AP2S1: variants seen among roughly 807,000 people sequenced by gnomAD.
AP2S1 encodes AP-2 complex subunit sigma.
A neutral mutation model predicts 21.0 loss-of-function variants in AP2S1; 6 were observed. The observed-to-expected ratio is 0.29, with a 90% CI of 0.16 to 0.56. The LOEUF (loss-of-function observed/expected upper bound fraction) is 0.56. Ranked by LOEUF, AP2S1 falls within the 20% of genes least tolerant of loss-of-function variation. The probability of loss-of-function intolerance (pLI) is 0.92; values close to 1 mark genes in which losing one functional copy is unlikely to be tolerated. For synonymous variants in AP2S1, 63 were observed against 74.6 expected, an observed-to-expected ratio of 0.84 and a Z score of 0.80; for missense variants, 60 against 186.2, an observed-to-expected ratio of 0.32 and a Z score of 3.95.
rs1276796098 is a variant in AP2S1, at chr19:46,838,923, G to C, written c.268-124C>G. On this transcript the variant is annotated intron_variant, in intron 3 of 4. Transcript: ENST00000263270. This position sits in a 1 kb window ranked among gnomAD's most constrained non-coding sequence, Gnocchi z 4.1. The stretch of plus-strand genomic sequence containing the variant: ...GAGACCAAGGGGGAGGCAGGGGAGA[G>C]AGAGAGACAGTGACAGGGAGAGAGG... 7.0e-5 allele frequency: 54 copies of C among 768,086 alleles called. 2 individuals are homozygous for C. In the South Asian group the frequency reaches 9.0e-4, roughly 13 times the overall value. The allele number at this position is 768,086 out of a possible 1,614,324, so 47.6% of individuals were successfully genotyped here.
intron 1 of AP2S1, among the ~76,000 whole-genome samples, chr19:46,849,403 AAC>A (rs10569642): frequency 0.54 from 82,297 of 151,540 alleles, 22,894 homozygotes; most frequent in Middle Eastern, 0.7. Context: ...TCCTTCCAAG[AAC>A]TCCTGCTGAG....
chr19:46,838,949 C>T lies in AP2S1; in HGVS notation c.268-150G>A. 1.6e-6 allele frequency: 1 copy of T among 644,188 alleles called. No homozygotes were observed. The highest frequency in any genetic ancestry group is 2.8e-6 in the Non-Finnish European group (1 of 360,906). The allele number at this position is 644,188 out of a possible 1,614,324, so 39.9% of individuals were successfully genotyped here. A position where few individuals can be genotyped will look rare whatever the true frequency, so the allele number is the denominator to read the frequency against. On this transcript the variant is annotated intron_variant, in intron 3 of 4. Coordinates refer to ENST00000263270, the MANE Select transcript of AP2S1 (RefSeq NM_004069.6). The surrounding 1 kb of genome is among the most constrained non-coding windows in gnomAD (Gnocchi z 4.1). Reference sequence around the variant, plus strand: ...AGAGAGACAGTGACAGGGAGAGAGGCAAGGAGACACACAGAGAGAAACAAA... The same window carrying T: ...AGAGAGACAGTGACAGGGAGAGAGGTAAGGAGACACACAGAGAGAAACAAA...
chr19:46,844,204 G>T (rs181040561), intron 2 of AP2S1, among the ~76,000 whole-genome samples: 4 of 152,024 alleles, frequency 2.6e-5, no homozygotes, highest in Admixed American at 2.6e-4. Flanking sequence ...CGCCCGGCCG[G>T]CAAAAACAAC....
chr19:46,840,189 A>G (rs1420704114), intron 2 of AP2S1, among the ~76,000 whole-genome samples: 1 of 151,988 alleles, frequency 6.6e-6, no homozygotes, highest in African/African-American at 2.4e-5. Context: ...AGCAATAGTA[A>G]CACAGACACA....
chr19:46,843,187 T>C (rs2055558971), intron 2 of AP2S1, among the ~76,000 whole-genome samples: 1 of 152,110 alleles, frequency 6.6e-6, no homozygotes, highest in Non-Finnish European at 1.5e-5. Flanking sequence ...CCACATCCAA[T>C]TCTTGGCCAT....
intron 3 of AP2S1, 37 bp downstream of exon 3, chr19:46,839,428 A>ACCC: frequency 9.2e-6 from 7 of 763,392 alleles, no homozygotes; most frequent in South Asian, 2.9e-5. Context: ...AGGGCTGCCC[A>ACCC]CCCGCCTCCC....
At chr19:46,848,933 G>A (rs984893888) in intron 1 of AP2S1, among the ~76,000 whole-genome samples, 20 of 151,142 alleles carry the variant, frequency 1.3e-4, no homozygotes, top group Admixed American at 4.6e-4. Flanking sequence ...GGCTGGTCTC[G>A]AACTCCTGAC....
At chr19:46,849,637 C>G (rs560740708) in intron 1 of AP2S1, among the ~76,000 whole-genome samples, 1 of 152,212 alleles carries the variant, frequency 6.6e-6, no homozygotes, top group Admixed American at 6.5e-5. Context: ...ATCTCAAGTC[C>G]CCTCCGTCCT....
chr19:46,848,507 C>T (rs1483470240), intron 1 of AP2S1, among the ~76,000 whole-genome samples: 1 of 152,196 alleles, frequency 6.6e-6, no homozygotes, highest in Non-Finnish European at 1.5e-5. Context: ...ATGGCCAAAG[C>T]TTACTCCATT....
At chr19:46,850,063 A>C (rs2055710385) in intron 1 of AP2S1, 18 of 1,173,036 alleles carry the variant, frequency 1.5e-5, no homozygotes, top group Non-Finnish European at 1.9e-5. Context: ...CCTACTCCCC[A>C]CCCCACAAGA....
intron 2 of AP2S1, among the ~76,000 whole-genome samples, chr19:46,844,199 G>A (rs572714978): frequency 1.1e-4 from 16 of 151,848 alleles, no homozygotes; most frequent in Middle Eastern, 3.4e-3. Context: ...CACCGCGCCC[G>A]GCCGGCAAAA....
chr19:46,838,224 A>G lies in AP2S1; in HGVS notation c.*223T>C, dbSNP rs1474490448. On this transcript the variant is annotated 3_prime_UTR_variant, in exon 5 of 5. Transcript: ENST00000263270. This position sits in a 1 kb window ranked among gnomAD's most constrained non-coding sequence, Gnocchi z 4.1. Reference sequence around the variant, plus strand: ...CACGCACAGACGCTTATGGCATCACACGACAACGGCACGGTTACTCGGGAC... The same window carrying G: ...CACGCACAGACGCTTATGGCATCACGCGACAACGGCACGGTTACTCGGGAC... The G allele has an allele frequency of 8.6e-6, 5 of 582,398 alleles. No homozygotes were observed. The highest frequency in any genetic ancestry group is 1.2e-5 in the Non-Finnish European group (4 of 324,988). The allele number at this position is 582,398 out of a possible 1,614,324, so 36.1% of individuals were successfully genotyped here. A position where few individuals can be genotyped will look rare whatever the true frequency, so the allele number is the denominator to read the frequency against.
At chr19:46,849,492 C>G (rs1265412399) in intron 1 of AP2S1, among the ~76,000 whole-genome samples, 1 of 152,170 alleles carries the variant, frequency 6.6e-6, no homozygotes, top group Admixed American at 6.5e-5. Flanking sequence ...CAGGCAGCCA[C>G]AGCCTGGGAG....
At chr19:46,845,713 C>CA (rs1049508520) in intron 2 of AP2S1, 2 of 282,746 alleles carry the variant, frequency 7.1e-6, no homozygotes, top group Non-Finnish European at 1.3e-5. Flanking sequence ...CAATGCAGAA[C>CA]AAAAAGGCAA....
chr19:46,839,679 C>A, intron 2 of AP2S1, 101 bp from the exon 3 acceptor site: 1 of 1,552,020 alleles, frequency 6.4e-7, no homozygotes, highest in East Asian at 2.3e-5. Context: ...TACGTGGTCC[C>A]GAGGCCCAGC....
intron 1 of AP2S1, among the ~76,000 whole-genome samples, chr19:46,849,552 CAG>C (rs1437099962): frequency 6.6e-6 from 1 of 152,174 alleles, no homozygotes; most frequent in African/African-American, 2.4e-5. Flanking sequence ...AGCAAACCCA[CAG>C]AGTTGACAAA....
At position 46,849,796 on chromosome 19, in the gene AP2S1, C is replaced by T. The variant is rs111709068; in HGVS notation, c.3+968G>A. On this transcript the variant is annotated intron_variant, in intron 1 of 4. Coordinates refer to ENST00000263270, the MANE Select transcript of AP2S1 (RefSeq NM_004069.6). Reference sequence around the variant, plus strand: ...CCTTGGGGCCTCAATGGGCTTTTTACTGGTGACATCCCTTGTCCCACTCCC... The same window carrying T: ...CCTTGGGGCCTCAATGGGCTTTTTATTGGTGACATCCCTTGTCCCACTCCC... Among the ~76,000 whole-genome samples, 991 of 152,224 alleles carry T rather than the reference C, an allele frequency of 6.5e-3. 6 individuals carry two copies. The highest frequency in any genetic ancestry group is 0.02 in the South Asian group (96 of 4,822).
At chr19:46,848,827 C>T (rs1264832743) in intron 1 of AP2S1, among the ~76,000 whole-genome samples, 1 of 152,172 alleles carries the variant, frequency 6.6e-6, no homozygotes, top group Non-Finnish European at 1.5e-5. Context: ...ATTCTCCTGC[C>T]TCAGCCTCCT....
chr19:46,845,821 G>T, intron 2 of AP2S1, 172 bp downstream of exon 2: 1 of 795,088 alleles, frequency 1.3e-6, no homozygotes, highest in Non-Finnish European at 1.9e-6. Flanking sequence ...TTTTCACAAT[G>T]AAAAGTACAA....
Sources: gnomAD v4.1 joint callset for allele counts (sites outside exome capture counted in the v4.1 genomes callset) on GRCh38, gnomAD v4.1.1 for gene constraint, Gnocchi (gnomAD v3.1) non-coding constraint, MANE v1.5 for transcripts, NCBI Gene and HGNC (gene_info 2026-07-23, HGNC 2026-07-21) for gene names.